The following GPC6 variants were observed in gnomAD, a reference collection of about 807,000 sequenced individuals.
GPC6 encodes glypican 6.
In GPC6, 14 loss-of-function variants were observed where a neutral mutation model predicts 55.2. That is an observed-to-expected ratio of 0.25 (90% confidence interval 0.17 to 0.40). The LOEUF is 0.40. Ranked by LOEUF, GPC6 falls within the 10% of genes least tolerant of loss-of-function variation. The pLI is 1.00. For synonymous variants in GPC6, 278 were observed against 259.6 expected, an observed-to-expected ratio of 1.07 and a Z score of -0.68; for missense variants, 641 against 708.5, an observed-to-expected ratio of 0.90 and a Z score of 1.08.
intron 2 of GPC6, among the ~76,000 whole-genome samples, chr13:93,681,795 A>G (rs575999252): frequency 8.5e-5 from 13 of 152,318 alleles, no homozygotes; most frequent in African/African-American, 2.9e-4. Context: ...CTTTAACTCA[A>G]TATTACCCAA....
intron 6 of GPC6, among the ~76,000 whole-genome samples, chr13:94,336,909 A>C (rs957036409): frequency 6.6e-6 from 1 of 152,224 alleles, no homozygotes; most frequent in Non-Finnish European, 1.5e-5. Flanking sequence ...ATTGGGGATC[A>C]AAAATGCTAA....
chr13:93,880,657 A>G (rs1029235484), intron 3 of GPC6, among the ~76,000 whole-genome samples: 3 of 152,098 alleles, frequency 2.0e-5, no homozygotes, highest in African/African-American at 7.2e-5. Context: ...TGGCACATGT[A>G]TACATATGTA....
intron 1 of GPC6, among the ~76,000 whole-genome samples, chr13:93,342,248 T>C (rs905521620): frequency 2.4e-4 from 36 of 152,256 alleles, no homozygotes; most frequent in African/African-American, 8.4e-4. Context: ...TGGGAGAACA[T>C]AGGTGTATTA....
chr13:93,783,011 C>A (rs1008127570), intron 2 of GPC6, among the ~76,000 whole-genome samples: 2 of 152,074 alleles, frequency 1.3e-5, no homozygotes, highest in African/African-American at 4.8e-5. Context: ...GTGTGTCGTT[C>A]CCACTGTGTG....
chr13:93,672,003 A>C (rs1881378437), intron 2 of GPC6, among the ~76,000 whole-genome samples: 1 of 152,168 alleles, frequency 6.6e-6, no homozygotes, highest in African/African-American at 2.4e-5. Flanking sequence ...CTAATTAATT[A>C]GTTTAATTAC....
intron 3 of GPC6, among the ~76,000 whole-genome samples, chr13:93,924,489 GA>G (rs936373279): frequency 4.6e-5 from 7 of 151,970 alleles, no homozygotes; most frequent in Non-Finnish European, 7.4e-5. Context: ...GATTTAGGGG[GA>G]AAAAAAGCAT....
At chr13:94,365,742 G>T (rs1019430389) in intron 6 of GPC6, among the ~76,000 whole-genome samples, 11 of 152,134 alleles carry the variant, frequency 7.2e-5, no homozygotes, top group Non-Finnish European at 1.0e-4. Context: ...AATCATGTTT[G>T]CAATATCTTA....
intron 6 of GPC6, among the ~76,000 whole-genome samples, chr13:94,376,688 G>A (rs1038379755): frequency 5.9e-5 from 9 of 151,910 alleles, no homozygotes; most frequent in African/African-American, 1.7e-4. Flanking sequence ...TCACAGAATT[G>A]GAAAAAACTA....
intron 4 of GPC6, among the ~76,000 whole-genome samples, chr13:94,255,980 C>T (rs556079239): frequency 4.6e-5 from 7 of 152,126 alleles, no homozygotes; most frequent in African/African-American, 1.4e-4. Context: ...CAGGTCCCAT[C>T]GCAGATCACC....
intron 3 of GPC6, among the ~76,000 whole-genome samples, chr13:93,871,257 A>T (rs892822070): frequency 6.6e-6 from 1 of 151,974 alleles, no homozygotes; most frequent in African/African-American, 2.4e-5. Flanking sequence ...CAAGTTTTTC[A>T]ACTACAGAGT....
At chr13:93,552,567 T>G (rs888965338) in intron 2 of GPC6, among the ~76,000 whole-genome samples, 7 of 152,164 alleles carry the variant, frequency 4.6e-5, no homozygotes, top group Non-Finnish European at 1.0e-4. Flanking sequence ...TCATCAGCTC[T>G]GGCTTCAGTG....
At chr13:94,270,355 A>G (rs1010566982) in intron 4 of GPC6, among the ~76,000 whole-genome samples, 2 of 152,228 alleles carry the variant, frequency 1.3e-5, no homozygotes, top group African/African-American at 4.8e-5. Context: ...GACAATTGCT[A>G]CAGAGGTCAT....
At chr13:93,909,437 G>A (rs1317219729) in intron 3 of GPC6, among the ~76,000 whole-genome samples, 1 of 151,978 alleles carries the variant, frequency 6.6e-6, no homozygotes, top group East Asian at 1.9e-4. Flanking sequence ...GCACATATTA[G>A]TATCACACAC....
chr13:94,285,942 T>C (rs942462097), intron 4 of GPC6, among the ~76,000 whole-genome samples: 3 of 152,194 alleles, frequency 2.0e-5, no homozygotes, highest in Admixed American at 1.3e-4. Context: ...GTCTTGACTT[T>C]TGTGCATCCA....
chr13:94,217,541 G>A (rs534166098), intron 4 of GPC6, among the ~76,000 whole-genome samples: 9 of 152,234 alleles, frequency 5.9e-5, no homozygotes, highest in African/African-American at 1.9e-4. Context: ...CGGCCCCAGC[G>A]ACAGTTGGGT....
At chr13:94,053,208 C>T (rs572177888) in intron 4 of GPC6, among the ~76,000 whole-genome samples, 1 of 152,158 alleles carries the variant, frequency 6.6e-6, no homozygotes, top group East Asian at 1.9e-4. Flanking sequence ...GAATGACTTT[C>T]GGGGGATACG....
At chr13:93,603,477 G>A (rs1878109468) in intron 2 of GPC6, among the ~76,000 whole-genome samples, 1 of 152,108 alleles carries the variant, frequency 6.6e-6, no homozygotes, top group Non-Finnish European at 1.5e-5. Context: ...AGCTTTCCAT[G>A]TGTTAACTCT....
At chr13:94,357,142 T>G (rs1878838351) in intron 6 of GPC6, among the ~76,000 whole-genome samples, 1 of 152,186 alleles carries the variant, frequency 6.6e-6, no homozygotes, top group Non-Finnish European at 1.5e-5. Flanking sequence ...AATACTAAAC[T>G]GCTCACAGTA....
intron 8 of GPC6, among the ~76,000 whole-genome samples, 167 bp from the exon 9 acceptor site, chr13:94,402,848 G>A (rs967823899): frequency 3.3e-5 from 5 of 152,160 alleles, no homozygotes; most frequent in Non-Finnish European, 7.3e-5. Flanking sequence ...TCACTATCAC[G>A]AGAACAGGAT....
Sources: allele counts gnomAD v4.1 joint callset (sites outside exome capture counted in the v4.1 genomes callset), GRCh38; gene constraint gnomAD v4.1.1; transcripts MANE v1.5; gene names NCBI Gene and HGNC (gene_info 2026-07-23, HGNC 2026-07-21).